The following ATG101 variants were observed in gnomAD, a reference collection of about 807,000 sequenced individuals.
ATG101 encodes autophagy-related protein 101.
A neutral mutation model predicts 16.7 loss-of-function variants in ATG101; 6 were observed. The ratio of observed to expected loss-of-function variants is 0.36; its 90% CI spans 0.20 to 0.71. ATG101 has a LOEUF of 0.71. Ranked by LOEUF, ATG101 falls within the 30% of genes least tolerant of loss-of-function variation. The probability of loss-of-function intolerance (pLI) is 0.57; values close to 1 mark genes in which losing one functional copy is unlikely to be tolerated. For synonymous variants in ATG101, 108 were observed against 118.1 expected, an observed-to-expected ratio of 0.91 and a Z score of 0.56; for missense variants, 200 against 292.5, an observed-to-expected ratio of 0.68 and a Z score of 2.31.
chr12:52,068,010 A>G (rs1391276585), upstream of ATG101, among the ~76,000 whole-genome samples: 1 of 151,448 alleles, frequency 6.6e-6, no homozygotes, highest in Non-Finnish European at 1.5e-5. Flanking sequence ...GTTATCTATT[A>G]TCGTTTTGGG....
At chr12:52,069,929 G>A (rs1269812712), upstream of ATG101, 1 of 152,278 alleles carries the variant, frequency 6.6e-6, no homozygotes, top group African/African-American at 2.4e-5. Flanking sequence ...CCCCCTCCGG[G>A]GCCGTGGGAT....
chr12:52,067,593 CT>C (rs56671149), upstream of ATG101, among the ~76,000 whole-genome samples: 281 of 144,842 alleles, frequency 1.9e-3, 1 homozygote, highest in African/African-American at 3.3e-3. Context: ...CTTTCTTTTT[CT>C]TTTTTTTTTT....
chr12:52,069,866 C>A (rs571930730), upstream of ATG101: 1 of 152,228 alleles, frequency 6.6e-6, no homozygotes, highest in South Asian at 2.1e-4. Context: ...TGTGACTACG[C>A]GGATGTTGTG....
chr12:52,076,956 G>C lies in ATG101; in HGVS notation c.423G>C (p.Arg141=). 1 of 1,614,200 alleles carries C rather than the reference G, an allele frequency of 6.2e-7. No homozygotes were observed. Among genetic ancestry groups the C allele is most frequent in the Non-Finnish European group, 8.5e-7 (1 of 1,180,028 alleles). ...LATEQERQIC[R]EKVGEKLCEK... is the part of the protein sequence containing the mutation. ...CGGAGCAGGAGCGGCAGATCTGCCG[G>C]GAGAAGGTGGGTGAGAAACTCTGCG... The change falls in exon 4 of 4, where the codon CGG becomes CGC. Residue 141 remains arginine, a synonymous_variant. Coordinates refer to ENST00000336854, the MANE Select transcript of ATG101 (RefSeq NM_021934.5).
intron 3 of ATG101, among the ~76,000 whole-genome samples, chr12:52,075,131 C>G (rs1421662639): frequency 6.6e-6 from 1 of 152,160 alleles, no homozygotes; most frequent in Non-Finnish European, 1.5e-5. Flanking sequence ...TTGCAGAGCC[C>G]TTCACTGTGC....
chr12:52,066,965 G>A (rs188839255), upstream of ATG101, among the ~76,000 whole-genome samples: 29 of 152,306 alleles, frequency 1.9e-4, no homozygotes, highest in Admixed American at 6.5e-4. Flanking sequence ...CCTGATTGCC[G>A]TCTGGTTTTG....
intron 2 of ATG101, among the ~76,000 whole-genome samples, chr12:52,072,332 T>C (rs1939663391): frequency 6.6e-6 from 1 of 152,232 alleles, no homozygotes; most frequent in South Asian, 2.1e-4. Flanking sequence ...GTATTTTACA[T>C]GTGTTACCTT....
upstream of ATG101, among the ~76,000 whole-genome samples, chr12:52,069,007 A>G (rs890913223): frequency 4.0e-5 from 6 of 150,080 alleles, no homozygotes; most frequent in Non-Finnish European, 7.4e-5. Context: ...AAAAAAAAAA[A>G]AAAAAAAAAA....
intron 3 of ATG101, 104 bp downstream of exon 3, chr12:52,074,006 C>T: frequency 6.8e-7 from 1 of 1,476,562 alleles, no homozygotes; most frequent in Non-Finnish European, 9.3e-7. Context: ...GCCTTCTCTT[C>T]CTGAGTGCGT....
At chr12:52,069,626 C>G (rs907317621), upstream of ATG101, 1 of 152,198 alleles carries the variant, frequency 6.6e-6, no homozygotes, top group Non-Finnish European at 1.5e-5. Context: ...TGACTCCGCT[C>G]GGCCTAGGGA....
chr12:52,066,899 A>G (rs1939557282), upstream of ATG101, among the ~76,000 whole-genome samples: 1 of 151,872 alleles, frequency 6.6e-6, no homozygotes, highest in South Asian at 2.1e-4. Flanking sequence ...ACTGGTTCCA[A>G]CCTCCCTTGG....
chr12:52,073,141 A>C (rs975439307), intron 2 of ATG101, among the ~76,000 whole-genome samples: 1 of 152,160 alleles, frequency 6.6e-6, no homozygotes, highest in African/African-American at 2.4e-5. Flanking sequence ...TTTAGGACAG[A>C]GTCCAAATGC....
upstream of ATG101, among the ~76,000 whole-genome samples, chr12:52,065,682 C>T (rs1047495534): frequency 6.6e-6 from 1 of 152,082 alleles, no homozygotes; most frequent in Non-Finnish European, 1.5e-5. Context: ...AGGCAAGGCT[C>T]CATGGAAAGG....
rs767918924 is a variant in ATG101, at chr12:52,077,049, G to A, written c.516G>A (p.Ser172=). The change falls in exon 4 of 4, where the codon TCG becomes TCA. Residue 172 remains serine, a synonymous_variant. Transcript: ENST00000336854. The part of the protein sequence containing the change: ...HEYLPKMPTQ[S]EVDNVFDTGL... ...ACTTGCCCAAGATGCCCACACAGTC[G>A]GAGGTGGATAACGTGTTTGACACAG... The A allele has an allele frequency of 3.0e-5, 48 of 1,614,040 alleles. No individual in the cohort carries two copies. The highest frequency in any genetic ancestry group is 1.2e-4 in the African/African-American group (9 of 74,908).
At chr12:52,069,822 C>CAG (rs1262114656), upstream of ATG101, 1 of 152,290 alleles carries the variant, frequency 6.6e-6, no homozygotes, top group Admixed American at 6.5e-5. Flanking sequence ...GCCCCCAGAT[C>CAG]AGAGAGCAAC....
In ATG101 at chr12:52,076,860, C is replaced by G. The variant is rs77972991; in HGVS notation, c.327C>G (p.Arg109=). 1.9e-6 allele frequency: 3 copies of G among 1,614,068 alleles called. No homozygotes were observed. Among genetic ancestry groups the G allele is most frequent in the Non-Finnish European group, 2.5e-6 (3 of 1,180,034 alleles). Residue 109 remains arginine, a synonymous_variant, in exon 4 of 4, where the codon CGC becomes CGG. Transcript: ENST00000336854. ...SLEFYQKKKS[R]WPFSDECIPW... Reference sequence around the variant, plus strand: ...AGTTCTACCAGAAGAAGAAGTCTCGCTGGCCATTCTCAGACGAGTGCATCC... The same window carrying G: ...AGTTCTACCAGAAGAAGAAGTCTCGGTGGCCATTCTCAGACGAGTGCATCC...
chr12:52,065,886 T>A (rs911401291), upstream of ATG101, among the ~76,000 whole-genome samples: 1 of 152,122 alleles, frequency 6.6e-6, no homozygotes, highest in African/African-American at 2.4e-5. Flanking sequence ...ATTGATTGAT[T>A]GATTGATTGA....
At chr12:52,074,548 G>A (rs1176283948) in intron 3 of ATG101, among the ~76,000 whole-genome samples, 1 of 151,010 alleles carries the variant, frequency 6.6e-6, no homozygotes, top group Admixed American at 6.6e-5. Flanking sequence ...TTGAGACACA[G>A]TCTCACTATG....
At chr12:52,073,240 A>G (rs778897964) in intron 2 of ATG101, among the ~76,000 whole-genome samples, 1 of 152,132 alleles carries the variant, frequency 6.6e-6, no homozygotes, top group Non-Finnish European at 1.5e-5. Flanking sequence ...CGTGGTGATA[A>G]TGTTTAGTTG....
Sources: allele counts gnomAD v4.1 joint callset (sites outside exome capture counted in the v4.1 genomes callset), GRCh38; gene constraint gnomAD v4.1.1; transcripts MANE v1.5; gene names NCBI Gene and HGNC (gene_info 2026-07-23, HGNC 2026-07-21).